Variants in CD28 observed in about 807,000 individuals in gnomAD.
CD28 encodes the protein CD28 molecule.
In CD28, 8 loss-of-function variants were observed where a neutral mutation model predicts 21.4. The observed-to-expected ratio is 0.37, with a 90% CI of 0.22 to 0.68. The LOEUF (loss-of-function observed/expected upper bound fraction) is 0.68, where lower values mean the gene tolerates loss of function less well. Among genes scored for constraint, CD28 ranks in the 30% least tolerant of loss-of-function variants. CD28 has a pLI of 0.55. For synonymous variants in CD28, 106 were observed against 104.0 expected, an observed-to-expected ratio of 1.02 and a Z score of -0.12; for missense variants, 239 against 272.2, an observed-to-expected ratio of 0.88 and a Z score of 0.86.
chr2:203,724,013 C>A (rs569138145), intron 1 of CD28, among the ~76,000 whole-genome samples: 1 of 152,242 alleles, frequency 6.6e-6, no homozygotes, highest in Admixed American at 6.5e-5. Flanking sequence ...TATAGCCATA[C>A]AATGGAATAT....
rs1387860790 is a variant in CD28 at position 203,737,002 on chromosome 2, C to G, written c.*2090C>G. Reference sequence around the variant, plus strand: ...GGGAATATTGTAACACAAATTTAAACCCACTACGCAGGGATGAGGTGCTAT... The same window carrying G: ...GGGAATATTGTAACACAAATTTAAAGCCACTACGCAGGGATGAGGTGCTAT... On this transcript the variant is annotated 3_prime_UTR_variant, in exon 4 of 4. Coordinates refer to ENST00000324106, the MANE Select transcript of CD28 (RefSeq NM_006139.4). 3 of 152,174 alleles carry G rather than the reference C, an allele frequency of 2.0e-5. No individual in the cohort carries two copies. In the South Asian group the frequency reaches 6.2e-4, roughly 32 times the overall value. 9.4% of individuals were successfully genotyped at this position (152,174 alleles called of 1,614,324 possible).
At chr2:203,718,124 C>T (rs1693509219) in intron 1 of CD28, among the ~76,000 whole-genome samples, 1 of 152,112 alleles carries the variant, frequency 6.6e-6, no homozygotes, top group Non-Finnish European at 1.5e-5. Flanking sequence ...ATGTTTTGTA[C>T]TTCTCTTTCT....
Position 203,736,973 on chromosome 2 carries a change from AG to A in CD28, c.*2067del, listed in dbSNP as rs1248478341. The A allele has an allele frequency of 6.6e-6, 1 of 152,236 alleles. No individual in the cohort carries two copies. The highest frequency in any genetic ancestry group is 1.5e-5 in the Non-Finnish European group (1 of 68,042). 9.4% of individuals were successfully genotyped at this position (152,236 alleles called of 1,614,324 possible). A position where few individuals can be genotyped will look rare whatever the true frequency, so the allele number is the denominator to read the frequency against. On this transcript the variant is annotated 3_prime_UTR_variant, in exon 4 of 4. Coordinates refer to ENST00000324106, the MANE Select transcript of CD28 (RefSeq NM_006139.4). ...AATTAAACTGGGCAATAGCCTAAGA[AG>A]GGGGGAATATTGTAACACAAATTTA...
intron 1 of CD28, among the ~76,000 whole-genome samples, chr2:203,712,426 T>C (rs1344779738): frequency 1.3e-5 from 2 of 152,120 alleles, no homozygotes; most frequent in African/African-American, 4.8e-5. Flanking sequence ...ATTTTTATAA[T>C]CTGAAATGTC....
chr2:203,709,109 C>CAA (rs34357514), intron 1 of CD28, among the ~76,000 whole-genome samples: 1,420 of 138,240 alleles, frequency 0.01, 42 homozygotes, highest in Admixed American at 0.07. Context: ...GAAACAGTCT[C>CAA]AAAAAAAAAA....
At chr2:203,728,710 T>C (rs932064333) in intron 2 of CD28, among the ~76,000 whole-genome samples, 1 of 152,242 alleles carries the variant, frequency 6.6e-6, no homozygotes, top group Non-Finnish European at 1.5e-5. Context: ...TAAAAAATTA[T>C]GCTATTTTGC....
intron 1 of CD28, among the ~76,000 whole-genome samples, chr2:203,720,392 A>G (rs1693575211): frequency 6.6e-6 from 1 of 152,234 alleles, no homozygotes; most frequent in Admixed American, 6.5e-5. Context: ...TGGGTTGACA[A>G]TGTTTCTTTT....
At chr2:203,722,859 A>G (rs911547102) in intron 1 of CD28, among the ~76,000 whole-genome samples, 6 of 152,192 alleles carry the variant, frequency 3.9e-5, no homozygotes, top group South Asian at 2.1e-4. Context: ...AAATGGTCTA[A>G]TTAGGAGGGC....
At chr2:203,707,929 G>T (rs545064383) in intron 1 of CD28, among the ~76,000 whole-genome samples, 4 of 152,272 alleles carry the variant, frequency 2.6e-5, no homozygotes, top group South Asian at 4.1e-4. Context: ...TACTTGGGTG[G>T]GCTGGAGTAA....
chr2:203,731,996 G>A (rs977144444), intron 3 of CD28, among the ~76,000 whole-genome samples: 18 of 152,128 alleles, frequency 1.2e-4, no homozygotes, highest in Admixed American at 2.0e-4. Context: ...TCTATATTTC[G>A]TAGAATAACA....
At chr2:203,709,047 G>A (rs1581496660) in intron 1 of CD28, among the ~76,000 whole-genome samples, 1 of 151,892 alleles carries the variant, frequency 6.6e-6, no homozygotes, top group African/African-American at 2.4e-5. Flanking sequence ...GCTTAAACCC[G>A]GGACGCGGAG....
chr2:203,710,314 A>C (rs1268375827), intron 1 of CD28, among the ~76,000 whole-genome samples: 2 of 152,244 alleles, frequency 1.3e-5, no homozygotes, highest in African/African-American at 4.8e-5. Context: ...TAGTTAACAC[A>C]TTGTGTTTTT....
rs74492511 is a variant in CD28, at chr2:203,707,997, T to A, written c.52+1249T>A. 7.4e-3 allele frequency among the ~76,000 whole-genome samples: 1,123 copies of A among 152,324 alleles called. 6 individuals carry two copies. Among genetic ancestry groups the A allele is most frequent in the African/African-American group, 0.026 (1,079 of 41,556 alleles). ...AAAGGCCCCCGCTTGGTTCAAAAACTGGACTGATAGGGGTCAACAGTCATG... is the reference window on the plus strand; with the variant it reads ...AAAGGCCCCCGCTTGGTTCAAAAACAGGACTGATAGGGGTCAACAGTCATG... On this transcript the variant is annotated intron_variant, in intron 1 of 3. Transcript: ENST00000324106.
chr2:203,712,031 A>C (rs915098816), intron 1 of CD28, among the ~76,000 whole-genome samples: 24 of 152,004 alleles, frequency 1.6e-4, no homozygotes, highest in Non-Finnish European at 1.5e-5. Context: ...ATCTCTACTA[A>C]AAATACAAAA....
intron 1 of CD28, among the ~76,000 whole-genome samples, chr2:203,707,402 C>T (rs1259114396): frequency 3.3e-5 from 5 of 152,046 alleles, no homozygotes; most frequent in Admixed American, 6.6e-5. Flanking sequence ...ATAATCCATG[C>T]GAAGGGCTTA....
intron 1 of CD28, among the ~76,000 whole-genome samples, chr2:203,708,530 A>G (rs532386036): frequency 3.9e-5 from 6 of 152,324 alleles, no homozygotes; most frequent in East Asian, 3.9e-4. Context: ...TCTGTCATCA[A>G]CTTATTCACT....
intron 1 of CD28, among the ~76,000 whole-genome samples, chr2:203,720,180 ATGTTGCCTGT>A (rs1186996035): frequency 1.3e-5 from 2 of 152,140 alleles, no homozygotes; most frequent in Non-Finnish European, 2.9e-5. Flanking sequence ...CTCACTCTTC[ATGTTGCCTGT>A]TGTTAAGCAG....
chr2:203,712,308 G>C (rs1693337012), intron 1 of CD28, among the ~76,000 whole-genome samples: 1 of 152,166 alleles, frequency 6.6e-6, no homozygotes, highest in Admixed American at 6.5e-5. Flanking sequence ...AGTTGAGTAG[G>C]TTATATATAA....
chr2:203,712,376 A>G (rs1248593284), intron 1 of CD28, among the ~76,000 whole-genome samples: 5 of 152,106 alleles, frequency 3.3e-5, no homozygotes, highest in Non-Finnish European at 7.4e-5. Context: ...CTACCTCACC[A>G]TGCTATTTGA....
Sources: gnomAD v4.1 joint callset for allele counts (sites outside exome capture counted in the v4.1 genomes callset) on GRCh38, gnomAD v4.1.1 for gene constraint, MANE v1.5 for transcripts, NCBI Gene and HGNC (gene_info 2026-07-23, HGNC 2026-07-21) for gene names.